The following HOXB6 variants were observed in gnomAD, a reference collection of about 807,000 sequenced individuals.
HOXB6 encodes the protein homeobox B6, also known as homeobox protein Hox-B6.
In HOXB6, 18 loss-of-function variants were observed where a neutral mutation model predicts 24.2. That is an observed-to-expected ratio of 0.74 (90% CI 0.51 to 1.10). The LOEUF (loss-of-function observed/expected upper bound fraction) is 1.10. Among genes scored for constraint, HOXB6 ranks in the 50% least tolerant of loss-of-function variants. The pLI is 0.00. For missense variants in HOXB6, 332 were observed against 308.3 expected (o/e 1.08, Z -0.58); for synonymous variants, 159 against 139.1 (o/e 1.14, Z -1.01).
At chr17:48,598,283 C>T in intron 2 of HOXB6, 55 bp from the exon 3 acceptor site, 1 of 863,222 alleles carries the variant, frequency 1.2e-6, no homozygotes, top group East Asian at 2.7e-5. Context: ...GGCGAGGTGC[C>T]AGTGAGGGCC....
chr17:48,600,634 G>A (rs2070438205), intron 2 of HOXB6: 1 of 434,046 alleles, frequency 2.3e-6, no homozygotes, highest in African/African-American at 2.0e-5. Context: ...CCTTTCTGGA[G>A]CCAGATCCCT....
At chr17:48,600,330 T>G in intron 2 of HOXB6, 1 of 396,236 alleles carries the variant, frequency 2.5e-6, no homozygotes. Flanking sequence ...GTTTTCTCAG[T>G]GAAGTCTGAA....
At position 48,596,455 on chromosome 17, in the gene HOXB6, A is replaced by AGAC. The variant is rs765346485; in HGVS notation, c.630_632dup (p.Ser211dup). On this transcript the variant is annotated inframe_insertion, in exon 4 of 4. Coordinates refer to ENST00000225648, the MANE Select transcript of HOXB6 (RefSeq NM_018952.5). The surrounding 1 kb of genome is among the most constrained non-coding windows in gnomAD (Gnocchi z 4.8). ...CTTCCTCCTCCTCGGCACTGAGCTG[A>AGAC]GACGCGCTGAGCAGTTTGCTCTCCT... is the stretch of plus-strand genomic sequence containing the variant. 7 of 1,614,056 alleles carry AGAC rather than the reference A, an allele frequency of 4.3e-6. No homozygotes were observed. The highest frequency in any genetic ancestry group is 5.9e-6 in the Non-Finnish European group (7 of 1,180,042).
chr17:48,596,901 A>T lies in HOXB6; in HGVS notation c.416-229T>A. ...ATGGGGGAGGGGAGGAGCAGTTTGAACTCCCACCTGAGCCTGGGGGGAGGG... is the reference window on the plus strand; with the variant it reads ...ATGGGGGAGGGGAGGAGCAGTTTGATCTCCCACCTGAGCCTGGGGGGAGGG... On this transcript the variant is annotated intron_variant, in intron 3 of 3. Transcript: ENST00000225648. The surrounding 1 kb of genome is among the most constrained non-coding windows in gnomAD (Gnocchi z 4.8). 3.0e-6 allele frequency: 4 copies of T among 1,338,030 alleles called. No homozygotes were observed. Among genetic ancestry groups the T allele is most frequent in the Non-Finnish European group, 3.9e-6 (4 of 1,018,416 alleles). 82.9% of individuals were successfully genotyped at this position (1,338,030 alleles called of 1,614,324 possible).
At chr17:48,597,139 C>T in intron 3 of HOXB6, 4 of 1,015,978 alleles carry the variant, frequency 3.9e-6, no homozygotes, top group Non-Finnish European at 4.8e-6. Flanking sequence ...ACAAATAATC[C>T]AACCTGAGAC....
chr17:48,596,935 G>A lies in HOXB6; in HGVS notation c.416-263C>T. The A allele has an allele frequency of 7.3e-7, 1 of 1,371,112 alleles. No homozygotes were observed. The highest frequency in any genetic ancestry group is 9.5e-7 in the Non-Finnish European group (1 of 1,056,344). 84.9% of individuals were successfully genotyped at this position (1,371,112 alleles called of 1,614,324 possible). ...TGAGCCTGGGGGGAGGGGCTGGTCAGGTGTGTCTCTTCCTAGTTGCATCTT... is the reference window on the plus strand; with the variant it reads ...TGAGCCTGGGGGGAGGGGCTGGTCAAGTGTGTCTCTTCCTAGTTGCATCTT... On this transcript the variant is annotated intron_variant, in intron 3 of 3. Transcript: ENST00000225648. This position sits in a 1 kb window ranked among gnomAD's most constrained non-coding sequence, Gnocchi z 4.8.
In HOXB6 at chr17:48,596,356, C is replaced by A. The variant is rs1450588141; in HGVS notation, c.*57G>T. On this transcript the variant is annotated 3_prime_UTR_variant, in exon 4 of 4. Coordinates refer to ENST00000225648, the MANE Select transcript of HOXB6 (RefSeq NM_018952.5). This position sits in a 1 kb window ranked among gnomAD's most constrained non-coding sequence, Gnocchi z 4.8. ...AGCCTTCCTTCCCGGGTCTCTCTGA[C>A]GCCCTCGGCTCCCCACAGGCCTTTC... 1.1e-5 allele frequency: 17 copies of A among 1,612,402 alleles called. No homozygotes were observed. The highest frequency in any genetic ancestry group is 1.4e-5 in the Non-Finnish European group (17 of 1,178,582).
rs1216470342 is a variant in HOXB6 at position 48,596,480 on chromosome 17, T to A, written c.608A>T (p.Lys203Met). Residue 203 changes from lysine to methionine, a missense_variant, in exon 4 of 4, where the codon AAG becomes ATG. Lys to Met is a moderately conservative substitution (Grantham distance 95). Transcript: ENST00000225648. This position sits in a 1 kb window ranked among gnomAD's most constrained non-coding sequence, Gnocchi z 4.8. ...AGACGCGCTGAGCAGTTTGCTCTCC[T>A]TTTTCCACTTCATGCGTCGGTTCTG... ...WFQNRRMKWK[K>M]ESKLLSASQL... The A allele has an allele frequency of 6.2e-7, 1 of 1,614,110 alleles. No homozygotes were observed. Among genetic ancestry groups the A allele is most frequent in the African/African-American group, 1.3e-5 (1 of 74,944 alleles).
chr17:48,601,449 C>T (rs2144976074), intron 2 of HOXB6: 1 of 152,426 alleles, frequency 6.6e-6, no homozygotes, highest in East Asian at 1.9e-4. Flanking sequence ...AACCTGAGGG[C>T]CCTGAAGTGT....
chr17:48,596,234 G>A lies in HOXB6; in HGVS notation c.*179C>T. 2 of 946,072 alleles carry A rather than the reference G, an allele frequency of 2.1e-6. No individual in the cohort carries two copies. Among genetic ancestry groups the A allele is most frequent in the South Asian group, 2.7e-5 (2 of 75,158 alleles). 58.6% of individuals were successfully genotyped at this position (946,072 alleles called of 1,614,324 possible). A position where few individuals can be genotyped will look rare whatever the true frequency, so the allele number is the denominator to read the frequency against. ...TGGGCTCGAGTAGTGAGGCCTCAGAGCACCCGCCGGGAGCTGTGCGGGCGG... is the reference window on the plus strand; with the variant it reads ...TGGGCTCGAGTAGTGAGGCCTCAGAACACCCGCCGGGAGCTGTGCGGGCGG... On this transcript the variant is annotated 3_prime_UTR_variant, in exon 4 of 4. Transcript: ENST00000225648. The surrounding 1 kb of genome is among the most constrained non-coding windows in gnomAD (Gnocchi z 4.8).
intron 2 of HOXB6, among the ~76,000 whole-genome samples, chr17:48,599,853 G>T (rs1181752689): frequency 6.6e-6 from 1 of 152,168 alleles, no homozygotes; most frequent in Non-Finnish European, 1.5e-5. Context: ...CCTTCCTTTG[G>T]GCTCCTTTTT....
intron 2 of HOXB6, among the ~76,000 whole-genome samples, chr17:48,599,125 A>G (rs2070394899): frequency 1.3e-5 from 2 of 152,202 alleles, no homozygotes; most frequent in Non-Finnish European, 2.9e-5. Flanking sequence ...ACTTGGTGAT[A>G]TGGAGTGAAG....
chr17:48,597,877 C>T lies in HOXB6; in HGVS notation c.274G>A (p.Gly92Ser), dbSNP rs1229493017. ...REKESACALS[G>S]ADEQPPFHPE... ...TGGAACGGGGGCTGCTCGTCGGCGC[C>T]GGAGAGTGCGCAGGCCGACTCTTTC... Residue 92 changes from glycine to serine, a missense_variant, in exon 3 of 4, where the codon GGC (glycine) becomes AGC (serine). Physicochemically the swap from Gly to Ser is moderately conservative, Grantham distance 56. Coordinates refer to ENST00000225648, the MANE Select transcript of HOXB6 (RefSeq NM_018952.5). 1 of 1,589,998 alleles carries T rather than the reference C, an allele frequency of 6.3e-7. No individual in the cohort carries two copies. Among genetic ancestry groups the T allele is most frequent in the East Asian group, 2.3e-5 (1 of 43,276 alleles).
chr17:48,596,551 G>A lies in HOXB6; in HGVS notation c.537C>T (p.Ile179=), dbSNP rs1567972431. The part of the protein sequence containing the change: ...RYLTRRRRIE[I]AHALCLTERQ... ...TCTCCGTCAGGCACAGGGCGTGCGC[G>A]ATCTCGATGCGCCGCCGCCGCGTCA... Residue 179 remains isoleucine, a synonymous_variant, in exon 4 of 4, where the codon ATC becomes ATT. Coordinates refer to ENST00000225648, the MANE Select transcript of HOXB6 (RefSeq NM_018952.5). The surrounding 1 kb of genome is among the most constrained non-coding windows in gnomAD (Gnocchi z 4.8). 1.2e-6 allele frequency: 2 copies of A among 1,614,252 alleles called. No individual in the cohort carries two copies. The highest frequency in any genetic ancestry group is 1.7e-6 in the Non-Finnish European group (2 of 1,180,050).
Position 48,604,587 on chromosome 17 carries a change from C to T in HOXB6, c.-186G>A, listed in dbSNP as rs187386457. ...CAGCTTCCAGATAATATTGTCCCAA[C>T]GTGAGAGCCGTTGCTTCCCCTTCTC... On this transcript the variant is annotated 5_prime_UTR_variant, in exon 2 of 4. Transcript: ENST00000225648. 1 of 152,700 alleles carries T rather than the reference C, an allele frequency of 6.5e-6. No individual in the cohort carries two copies. Among genetic ancestry groups the T allele is most frequent in the East Asian group, 1.9e-4 (1 of 5,188 alleles). The allele number at this position is 152,700 out of a possible 1,614,324, so 9.5% of individuals were successfully genotyped here. A position where few individuals can be genotyped will look rare whatever the true frequency, so the allele number is the denominator to read the frequency against.
In HOXB6 at chr17:48,596,903, T is replaced by G. The variant is rs1295802923; in HGVS notation, c.416-231A>C. On this transcript the variant is annotated intron_variant, in intron 3 of 3. Transcript: ENST00000225648. This position sits in a 1 kb window ranked among gnomAD's most constrained non-coding sequence, Gnocchi z 4.8. ...GGGGGAGGGGAGGAGCAGTTTGAAC[T>G]CCCACCTGAGCCTGGGGGGAGGGGC... is the stretch of plus-strand genomic sequence containing the variant. 4.4e-6 allele frequency: 6 copies of G among 1,360,884 alleles called. No homozygotes were observed. Among genetic ancestry groups the G allele is most frequent in the Non-Finnish European group, 5.8e-6 (6 of 1,037,384 alleles). The allele number at this position is 1,360,884 out of a possible 1,614,324, so 84.3% of individuals were successfully genotyped here. A position where few individuals can be genotyped will look rare whatever the true frequency, so the allele number is the denominator to read the frequency against.
Position 48,596,690 on chromosome 17 carries a change from G to A in HOXB6, c.416-18C>T. On this transcript the variant is annotated intron_variant, in intron 3 of 3. Coordinates refer to ENST00000225648, the MANE Select transcript of HOXB6 (RefSeq NM_018952.5). This position sits in a 1 kb window ranked among gnomAD's most constrained non-coding sequence, Gnocchi z 4.8. ...GGAGGAACCTGTTACGCAGAGTGGA[G>A]ATGCTGAGGCCTGCGGTCACCGGGC... is the stretch of plus-strand genomic sequence containing the variant. The A allele has an allele frequency of 6.2e-7, 1 of 1,610,156 alleles. No individual in the cohort carries two copies. Among genetic ancestry groups the A allele is most frequent in the East Asian group, 2.2e-5 (1 of 44,876 alleles).
In HOXB6 at chr17:48,598,202, T is replaced by C. The variant is rs1367103618; in HGVS notation, c.-52A>G. 3 of 1,502,026 alleles carry C rather than the reference T, an allele frequency of 2.0e-6. No individual in the cohort carries two copies. Among genetic ancestry groups the C allele is most frequent in the Non-Finnish European group, 2.7e-6 (3 of 1,122,046 alleles). The allele number at this position is 1,502,026 out of a possible 1,614,324, so 93.0% of individuals were successfully genotyped here. ...GCTGCTCCGCCGGGTTTATGATTTG[T>C]TGTGTTTTATAGTCCGAGCGCCGCG... On this transcript the variant is annotated 5_prime_UTR_variant, in exon 3 of 4. Coordinates refer to ENST00000225648, the MANE Select transcript of HOXB6 (RefSeq NM_018952.5).
At chr17:48,597,589 G>T in intron 3 of HOXB6, 147 bp downstream of exon 3, 1 of 851,518 alleles carries the variant, frequency 1.2e-6, no homozygotes, top group Non-Finnish European at 1.9e-6. Flanking sequence ...GAGACCCCCG[G>T]CCGGCGCCCA....
Sources: allele counts gnomAD v4.1 joint callset (sites outside exome capture counted in the v4.1 genomes callset), GRCh38; gene constraint gnomAD v4.1.1; non-coding constraint Gnocchi (gnomAD v3.1); transcripts MANE v1.5; gene names NCBI Gene and HGNC (gene_info 2026-07-23, HGNC 2026-07-21).